The following CCDC39 variants were observed in gnomAD, a reference collection of about 807,000 sequenced individuals.
The protein encoded by CCDC39 is coiled-coil domain 39 molecular ruler complex subunit.
A neutral mutation model predicts 121.0 loss-of-function variants in CCDC39; 113 were observed. The ratio of observed to expected loss-of-function variants is 0.93; its 90% CI spans 0.80 to 1.09. The LOEUF is 1.09. CCDC39 is among the 50% of genes least tolerant of loss of function. CCDC39 has a pLI of 0.00. For synonymous variants in CCDC39, 349 were observed against 352.2 expected, an observed-to-expected ratio of 0.99 and a Z score of 0.10; for missense variants, 1,063 against 1,074.7, an observed-to-expected ratio of 0.99 and a Z score of 0.15.
At position 180,663,965 on chromosome 3, in the gene CCDC39, T is replaced by C. The variant is rs1481266590; in HGVS notation, c.112A>G (p.Arg38Gly). Residue 38 changes from arginine (R) to glycine (G), a missense_variant, in exon 2 of 20, where the codon AGA (arginine) becomes GGA (glycine). Physicochemically the swap from Arg to Gly is moderately radical, Grantham distance 125. Coordinates refer to ENST00000476379, the MANE Select transcript of CCDC39 (RefSeq NM_181426.2). ...EDQLSKLKDE[R>G]ASLQDELREY... Reference sequence around the variant, plus strand: ...CGTAACTCATCTTGCAAGCTTGCTCTTTCATCCTTCAGCTTTGACAACTGT... The same window carrying C: ...CGTAACTCATCTTGCAAGCTTGCTCCTTCATCCTTCAGCTTTGACAACTGT... 1 of 1,611,912 alleles carries C rather than the reference T, an allele frequency of 6.2e-7. No homozygotes were observed. The highest frequency in any genetic ancestry group is 8.5e-7 in the Non-Finnish European group (1 of 1,179,336).
chr3:180,658,588 C>T (rs1271759430), intron 6 of CCDC39, among the ~76,000 whole-genome samples: 1 of 150,294 alleles, frequency 6.7e-6, no homozygotes, highest in African/African-American at 2.5e-5. Context: ...CAGAGCAAGA[C>T]TCCGTCTCAA....
Position 180,631,527 on chromosome 3 carries a change from A to G in CCDC39, c.1940T>C (p.Val647Ala), listed in dbSNP as rs1560083901. Reference sequence around the variant, plus strand: ...TTCTCCTTCAGGAGGCAGCATAACAACAGTCAGAATTTCATATCTATTCTT... The same window carrying G: ...TTCTCCTTCAGGAGGCAGCATAACAGCAGTCAGAATTTCATATCTATTCTT... Reference protein sequence around the residue: ...KLKNRYEILTVVMLPPEGEEE... With the variant: ...KLKNRYEILTAVMLPPEGEEE... Residue 647 changes from valine (V) to alanine (A), a missense_variant, in exon 14 of 20, where the codon GTT (valine) becomes GCT (alanine). Val to Ala is a moderately conservative substitution (Grantham distance 64). Transcript: ENST00000476379. 1.2e-6 allele frequency: 2 copies of G among 1,609,166 alleles called. No individual in the cohort carries two copies. Among genetic ancestry groups the G allele is most frequent in the Non-Finnish European group, 1.7e-6 (2 of 1,179,004 alleles).
intron 1 of CCDC39, among the ~76,000 whole-genome samples, chr3:180,667,579 C>T (rs1462720146): frequency 1.3e-5 from 2 of 152,136 alleles, no homozygotes; most frequent in African/African-American, 4.8e-5. Context: ...AACCGTGCCT[C>T]TCTAAGACAA....
intron 7 of CCDC39, among the ~76,000 whole-genome samples, chr3:180,654,221 C>CAAAAAAAAAA (rs76424115): frequency 2.2e-5 from 1 of 44,928 alleles, no homozygotes; most frequent in Non-Finnish European, 4.4e-5. Context: ...TAGCCACACG[C>CAAAAAAAAAA]AAAAAAAAAA....
At chr3:180,671,801 G>C (rs1712056047) in intron 1 of CCDC39, among the ~76,000 whole-genome samples, 1 of 152,182 alleles carries the variant, frequency 6.6e-6, no homozygotes, top group South Asian at 2.1e-4. Flanking sequence ...AGAAGCTGCA[G>C]AAGAAAAGTT....
intron 14 of CCDC39, among the ~76,000 whole-genome samples, chr3:180,631,240 G>C (rs985585501): frequency 6.7e-6 from 1 of 150,362 alleles, no homozygotes; most frequent in Non-Finnish European, 1.5e-5. Flanking sequence ...TTGACCTCAC[G>C]GACTAGAGGT....
At chr3:180,629,694 T>TACA (rs990354706) in intron 14 of CCDC39, among the ~76,000 whole-genome samples, 10 of 152,106 alleles carry the variant, frequency 6.6e-5, no homozygotes, top group Admixed American at 2.6e-4. Flanking sequence ...AAACATGCTA[T>TACA]ACAACAACAA....
At chr3:180,630,472 TG>T (rs1412874016) in intron 14 of CCDC39, among the ~76,000 whole-genome samples, 1 of 152,068 alleles carries the variant, frequency 6.6e-6, no homozygotes, top group East Asian at 1.9e-4. Flanking sequence ...CCAATTAAGT[TG>T]GTAGAAATCA....
intron 1 of CCDC39, among the ~76,000 whole-genome samples, chr3:180,670,626 G>A (rs1712013482): frequency 7.0e-6 from 1 of 142,686 alleles, no homozygotes; most frequent in South Asian, 2.2e-4. Context: ...GTACCACAGT[G>A]CCTTTTTTTT....
chr3:180,663,861 C>T lies in CCDC39; in HGVS notation c.210+6G>A. ...ATATAATCAACATAAATTTCAGTTA[C>T]TGTACCTGTGTAATTGAGAGCTCTT... On this transcript the variant is annotated splice_donor_region_variant and intron_variant, in intron 2 of 19. Coordinates refer to ENST00000476379, the MANE Select transcript of CCDC39 (RefSeq NM_181426.2). 6.2e-7 allele frequency: 1 copy of T among 1,611,700 alleles called. No individual in the cohort carries two copies. The highest frequency in any genetic ancestry group is 8.5e-7 in the Non-Finnish European group (1 of 1,179,100).
Position 180,616,620 on chromosome 3 carries a change from G to A in CCDC39, c.2482C>T (p.Leu828Phe), listed in dbSNP as rs1244520123. ...DETMEEQDIK[L>F]REMKQFHKVI... The stretch of plus-strand genomic sequence containing the variant: ...TTGTGAAACTGTTTCATTTCACGAA[G>A]TTTGATGTCTTGTTCTTCCATTGTT... The change falls in exon 18 of 20, where the codon CTT (leucine) becomes TTT (phenylalanine). Residue 828 changes from leucine (L) to phenylalanine (F), a missense_variant. Leu to Phe is a conservative substitution (Grantham distance 22). Transcript: ENST00000476379. 3.8e-6 allele frequency: 6 copies of A among 1,596,338 alleles called. No homozygotes were observed. Among genetic ancestry groups the A allele is most frequent in the Non-Finnish European group, 4.3e-6 (5 of 1,171,156 alleles).
chr3:180,620,103 C>A, intron 14 of CCDC39, 133 bp from the exon 15 acceptor site: 1 of 579,056 alleles, frequency 1.7e-6, no homozygotes, highest in Non-Finnish European at 2.8e-6. Flanking sequence ...CATATGGCAC[C>A]AAGCATTTAT....
At position 180,642,218 on chromosome 3, in the gene CCDC39, A is replaced by G; in HGVS notation, c.1666-17T>C. The G allele has an allele frequency of 2.0e-6, 3 of 1,473,706 alleles. No homozygotes were observed. The highest frequency in any genetic ancestry group is 2.7e-6 in the Non-Finnish European group (3 of 1,097,624). The allele number at this position is 1,473,706 out of a possible 1,614,324, so 91.3% of individuals were successfully genotyped here. A position where few individuals can be genotyped will look rare whatever the true frequency, so the allele number is the denominator to read the frequency against. On this transcript the variant is annotated splice_polypyrimidine_tract_variant and intron_variant, in intron 12 of 19. Coordinates refer to ENST00000476379, the MANE Select transcript of CCDC39 (RefSeq NM_181426.2). ...CATCAAATCCTATCAACGTAACAAAATGGTCAAATATTGAAATTATTTTTA... is the reference window on the plus strand; with the variant it reads ...CATCAAATCCTATCAACGTAACAAAGTGGTCAAATATTGAAATTATTTTTA...
At chr3:180,662,592 C>A (rs1489111238) in intron 2 of CCDC39, among the ~76,000 whole-genome samples, 2 of 152,024 alleles carry the variant, frequency 1.3e-5, no homozygotes, top group Non-Finnish European at 2.9e-5. Flanking sequence ...GTTTATTATT[C>A]TTTTGTCTCT....
chr3:180,670,893 A>T (rs1043357091), intron 1 of CCDC39, among the ~76,000 whole-genome samples: 51 of 152,046 alleles, frequency 3.4e-4, no homozygotes, highest in African/African-American at 1.2e-3. Context: ...TCAGTTTACC[A>T]TTGCCATGGC....
At chr3:180,626,439 G>T (rs1165468242) in intron 14 of CCDC39, among the ~76,000 whole-genome samples, 1 of 152,076 alleles carries the variant, frequency 6.6e-6, no homozygotes, top group Non-Finnish European at 1.5e-5. Context: ...TGGTGGCTGT[G>T]CTGTAGGCCT....
chr3:180,652,028 C>G, intron 8 of CCDC39, 135 bp downstream of exon 8: 1 of 539,904 alleles, frequency 1.9e-6, no homozygotes, highest in Non-Finnish European at 3.2e-6. Context: ...CAAAGCAAGA[C>G]TCCCTCTCAA....
At chr3:180,634,167 C>A (rs1308040346) in intron 13 of CCDC39, among the ~76,000 whole-genome samples, 2 of 151,004 alleles carry the variant, frequency 1.3e-5, no homozygotes, top group South Asian at 2.2e-4. Flanking sequence ...CCCACCCCAC[C>A]AGCTGAACAC....
At chr3:180,668,743 T>C (rs960181779) in intron 1 of CCDC39, among the ~76,000 whole-genome samples, 6 of 152,188 alleles carry the variant, frequency 3.9e-5, no homozygotes, top group African/African-American at 1.4e-4. Context: ...ATTTTTTGCT[T>C]AAGCTTAATA....
Sources: gnomAD v4.1 joint callset for allele counts (sites outside exome capture counted in the v4.1 genomes callset) on GRCh38, gnomAD v4.1.1 for gene constraint, MANE v1.5 for transcripts, NCBI Gene and HGNC (gene_info 2026-07-23, HGNC 2026-07-21) for gene names.